The following TANC2 variants were observed in gnomAD, a reference collection of about 807,000 sequenced individuals.
TANC2 encodes protein TANC2.
Under a neutral mutation model 210.5 loss-of-function variants are expected in TANC2, and 26 were observed. The observed-to-expected ratio is 0.12, with a 90% CI of 0.09 to 0.17. The LOEUF (loss-of-function observed/expected upper bound fraction) is 0.17. Ranked by LOEUF, TANC2 falls within the 10% of genes least tolerant of loss-of-function variation. TANC2 has a pLI of 1.00. For synonymous variants in TANC2, 931 were observed against 967.1 expected, an observed-to-expected ratio of 0.96 and a Z score of 0.69; for missense variants, 2,129 against 2,608.9, an observed-to-expected ratio of 0.82 and a Z score of 4.01.
At chr17:63,310,898 A>G (rs1239397171) in intron 9 of TANC2, among the ~76,000 whole-genome samples, 2 of 152,214 alleles carry the variant, frequency 1.3e-5, no homozygotes, top group East Asian at 3.8e-4. Flanking sequence ...CCATTGACCC[A>G]GAAATTTCAC....
intron 16 of TANC2, among the ~76,000 whole-genome samples, chr17:63,389,098 A>G (rs183550518): frequency 3.4e-4 from 52 of 152,300 alleles, no homozygotes; most frequent in Admixed American, 6.5e-4. Flanking sequence ...ATAGGAGGCA[A>G]TTGCTCTAGT....
intron 14 of TANC2, among the ~76,000 whole-genome samples, chr17:63,379,439 G>A (rs1466991743): frequency 6.6e-6 from 1 of 152,206 alleles, no homozygotes; most frequent in East Asian, 1.9e-4. Flanking sequence ...GGAGGCCAAG[G>A]CAGGTGGATT....
intron 21 of TANC2, among the ~76,000 whole-genome samples, chr17:63,409,622 G>T (rs2048626668): frequency 6.6e-6 from 1 of 152,158 alleles, no homozygotes; most frequent in Admixed American, 6.5e-5. Context: ...ACATCATAGA[G>T]TGCACTTACA....
intron 2 of TANC2, among the ~76,000 whole-genome samples, chr17:63,010,039 C>T (rs1419289376): frequency 6.6e-6 from 1 of 151,954 alleles, no homozygotes; most frequent in Non-Finnish European, 1.5e-5. Flanking sequence ...TTTTTTATAG[C>T]CATTAAAATA....
At chr17:63,268,765 T>G (rs1479025606) in intron 9 of TANC2, among the ~76,000 whole-genome samples, 4 of 152,188 alleles carry the variant, frequency 2.6e-5, no homozygotes, top group African/African-American at 9.7e-5. Context: ...GCATGCTACA[T>G]GCTTCTCCAA....
chr17:63,104,137 A>G (rs2037734273), intron 4 of TANC2, among the ~76,000 whole-genome samples: 1 of 152,148 alleles, frequency 6.6e-6, no homozygotes, highest in Non-Finnish European at 1.5e-5. Context: ...GCAGTAAAGA[A>G]GACCTAAAAA....
chr17:63,402,627 A>G (rs535345588), intron 19 of TANC2, among the ~76,000 whole-genome samples: 2 of 152,130 alleles, frequency 1.3e-5, no homozygotes, highest in South Asian at 4.2e-4. Flanking sequence ...TGTTTCCCCA[A>G]CTCTGAGCTA....
At chr17:63,147,200 A>G (rs2039491623) in intron 4 of TANC2, among the ~76,000 whole-genome samples, 1 of 151,704 alleles carries the variant, frequency 6.6e-6, no homozygotes, top group Non-Finnish European at 1.5e-5. Context: ...AAAATTACCC[A>G]AGCGTGGTGG....
chr17:63,028,618 G>A (rs1332117745), intron 2 of TANC2, among the ~76,000 whole-genome samples: 1 of 152,080 alleles, frequency 6.6e-6, no homozygotes, highest in Non-Finnish European at 1.5e-5. Flanking sequence ...GGTACAGGAA[G>A]GACAGCTTTT....
chr17:63,292,010 G>A (rs1049404565), intron 9 of TANC2, among the ~76,000 whole-genome samples: 29 of 152,166 alleles, frequency 1.9e-4, no homozygotes, highest in African/African-American at 6.8e-4. Flanking sequence ...ATTAACTGTG[G>A]TAACAAATGG....
At chr17:63,213,685 A>G (rs1292480665) in intron 7 of TANC2, among the ~76,000 whole-genome samples, 1 of 152,236 alleles carries the variant, frequency 6.6e-6, no homozygotes, top group Non-Finnish European at 1.5e-5. Flanking sequence ...AAGGTGCAAC[A>G]TTGTATTTGG....
chr17:63,369,084 A>G (rs926472577), intron 14 of TANC2, among the ~76,000 whole-genome samples: 1 of 152,226 alleles, frequency 6.6e-6, no homozygotes, highest in Non-Finnish European at 1.5e-5. Flanking sequence ...AGAAAGGGAG[A>G]TGGAGGCACG....
chr17:63,073,988 A>T, exon 3 of TANC2: 2 of 1,588,096 alleles, frequency 1.3e-6, no homozygotes, highest in South Asian at 2.3e-5. Context: ...TCAAGTGTAG[A>T]CTCTCGCCAA....
intron 6 of TANC2, among the ~76,000 whole-genome samples, chr17:63,199,364 T>C (rs1417184290): frequency 1.3e-5 from 2 of 152,192 alleles, no homozygotes; most frequent in African/African-American, 2.4e-5. Flanking sequence ...GGCTCACACC[T>C]GTAATCCCAG....
intron 3 of TANC2, 25 bp from the exon 4 acceptor site, chr17:63,099,150 C>T: frequency 6.2e-7 from 1 of 1,606,314 alleles, no homozygotes; most frequent in Non-Finnish European, 8.5e-7. Context: ...CTCACCAGCT[C>T]TTTTGTTCCA....
chr17:63,232,712 G>T (rs551018605), intron 7 of TANC2, among the ~76,000 whole-genome samples: 1 of 152,204 alleles, frequency 6.6e-6, no homozygotes, highest in African/African-American at 2.4e-5. Flanking sequence ...CCCCTGTTGG[G>T]GGTTCTCACC....
intron 7 of TANC2, among the ~76,000 whole-genome samples, chr17:63,224,250 ATTTTTTT>A (rs768863390): frequency 7.7e-6 from 1 of 130,340 alleles, no homozygotes; most frequent in African/African-American, 2.9e-5. Context: ...AGACTTGCTG[ATTTTTTT>A]TTTTTTTTTT....
intron 14 of TANC2, among the ~76,000 whole-genome samples, chr17:63,359,114 A>G (rs2046876855): frequency 6.6e-6 from 1 of 151,868 alleles, no homozygotes. Flanking sequence ...CTCAGGCTGG[A>G]GTGCAGTGGC....
chr17:63,170,229 A>T (rs1169266575), intron 5 of TANC2, among the ~76,000 whole-genome samples: 1 of 151,214 alleles, frequency 6.6e-6, no homozygotes, highest in Admixed American at 6.6e-5. Context: ...GATTGAGACC[A>T]TCCTGGCTAA....
Sources: allele counts gnomAD v4.1 joint callset (sites outside exome capture counted in the v4.1 genomes callset), GRCh38; gene constraint gnomAD v4.1.1; transcripts MANE v1.5; gene names NCBI Gene and HGNC (gene_info 2026-07-23, HGNC 2026-07-21).